The following CDH12 variants were observed in gnomAD, a reference collection of about 807,000 sequenced individuals.
CDH12 encodes the protein cadherin-12.
Under a neutral mutation model 74.1 loss-of-function variants are expected in CDH12, and 41 were observed. The observed-to-expected ratio is 0.55, with a 90% CI of 0.43 to 0.72. The LOEUF (loss-of-function observed/expected upper bound fraction) is 0.72, where lower values mean the gene tolerates loss of function less well. Ranked by LOEUF, CDH12 falls within the 30% of genes least tolerant of loss-of-function variation. The pLI, the probability that CDH12 is intolerant of heterozygous loss-of-function variation, is 0.00. For synonymous variants in CDH12, 399 were observed against 355.0 expected (o/e 1.12, Z -1.39); for missense variants, 945 against 977.2 (o/e 0.97, Z 0.44).
intron 1 of CDH12, among the ~76,000 whole-genome samples, chr5:22,742,211 G>A (rs1005861323): frequency 1.4e-5 from 2 of 147,774 alleles, no homozygotes; most frequent in Non-Finnish European, 3.0e-5. Context: ...AGAAAGAAAG[G>A]AAGAGAGAGA....
intron 3 of CDH12, among the ~76,000 whole-genome samples, chr5:22,241,839 G>T (rs940375825): frequency 4.6e-5 from 7 of 151,914 alleles, no homozygotes; most frequent in South Asian, 2.1e-4. Flanking sequence ...ACAAATAATA[G>T]AATTTTTGCT....
intron 6 of CDH12, among the ~76,000 whole-genome samples, chr5:21,897,963 T>A (rs1753201194): frequency 6.6e-6 from 1 of 152,138 alleles, no homozygotes; most frequent in South Asian, 2.1e-4. Context: ...TGTTCTGATA[T>A]TTTTATTTAA....
chr5:22,281,720 G>C (rs934124035), intron 3 of CDH12, among the ~76,000 whole-genome samples: 8 of 151,966 alleles, frequency 5.3e-5, no homozygotes, highest in African/African-American at 1.9e-4. Context: ...AAGGAAATCA[G>C]AGAGGACACA....
chr5:21,849,413 T>C (rs1016537035), intron 7 of CDH12, among the ~76,000 whole-genome samples: 1 of 151,878 alleles, frequency 6.6e-6, no homozygotes, highest in African/African-American at 2.4e-5. Context: ...TTGCCTGCAG[T>C]GCATTCCTGG....
intron 1 of CDH12, among the ~76,000 whole-genome samples, chr5:22,797,183 TAAAAAAAA>T (rs58951425): frequency 2.3e-5 from 2 of 86,248 alleles, no homozygotes; most frequent in South Asian, 9.7e-4. Flanking sequence ...AGTGCCTTTA[TAAAAAAAA>T]AAAAAAAAAA....
intron 3 of CDH12, among the ~76,000 whole-genome samples, chr5:22,356,331 A>C (rs1382658837): frequency 6.6e-6 from 1 of 152,148 alleles, no homozygotes; most frequent in Non-Finnish European, 1.5e-5. Context: ...TTAGATAACA[A>C]TGGTTTTATT....
At chr5:22,558,418 T>C (rs972028099) in intron 1 of CDH12, among the ~76,000 whole-genome samples, 4 of 151,806 alleles carry the variant, frequency 2.6e-5, no homozygotes, top group Admixed American at 2.0e-4. Flanking sequence ...TGGAGAAAAA[T>C]AAGGTAGCTA....
chr5:22,562,236 G>A (rs1200144588), intron 1 of CDH12, among the ~76,000 whole-genome samples: 1 of 151,930 alleles, frequency 6.6e-6, no homozygotes, highest in African/African-American at 2.4e-5. Flanking sequence ...AGAATGGCGT[G>A]AACCCGGGAG....
intron 5 of CDH12, among the ~76,000 whole-genome samples, chr5:22,050,057 C>T (rs1374817102): frequency 6.6e-6 from 1 of 152,048 alleles, no homozygotes; most frequent in Non-Finnish European, 1.5e-5. Flanking sequence ...CATTTGTTTC[C>T]CCTCCCAAAT....
chr5:21,951,821 C>T (rs1324651128), intron 6 of CDH12, among the ~76,000 whole-genome samples: 1 of 152,182 alleles, frequency 6.6e-6, no homozygotes, highest in African/African-American at 2.4e-5. Flanking sequence ...GAACATGTCT[C>T]TCAAATAGCA....
At chr5:22,683,062 C>T (rs549771298) in intron 1 of CDH12, among the ~76,000 whole-genome samples, 2 of 152,110 alleles carry the variant, frequency 1.3e-5, no homozygotes, top group African/African-American at 4.8e-5. Context: ...TAGGTTTATT[C>T]TTGCTGATAA....
intron 1 of CDH12, among the ~76,000 whole-genome samples, chr5:22,826,912 T>C (rs937509347): frequency 2.0e-5 from 3 of 152,082 alleles, no homozygotes; most frequent in Non-Finnish European, 2.9e-5. Context: ...GTAAAGAAAA[T>C]CCCATTTTCT....
At chr5:22,639,481 T>C (rs1280835109) in intron 1 of CDH12, among the ~76,000 whole-genome samples, 1 of 150,398 alleles carries the variant, frequency 6.6e-6, no homozygotes, top group Non-Finnish European at 1.5e-5. Context: ...TGCAAATCTT[T>C]ATCTGCAATT....
At chr5:22,467,466 G>A (rs1414236032) in intron 2 of CDH12, among the ~76,000 whole-genome samples, 2 of 152,066 alleles carry the variant, frequency 1.3e-5, no homozygotes, top group South Asian at 2.1e-4. Context: ...CTCTCTGTCT[G>A]CATACTTTGC....
intron 1 of CDH12, among the ~76,000 whole-genome samples, chr5:22,684,157 C>A (rs1741639840): frequency 6.6e-6 from 1 of 151,888 alleles, no homozygotes; most frequent in African/African-American, 2.4e-5. Flanking sequence ...CTCTTTAAAT[C>A]ATTTTTTTTC....
chr5:22,455,528 ATTTTG>A (rs1304946115), intron 2 of CDH12, among the ~76,000 whole-genome samples: 1 of 152,174 alleles, frequency 6.6e-6, no homozygotes, highest in East Asian at 1.9e-4. Flanking sequence ...ACTCTAGGTG[ATTTTG>A]ACAAAAGCTC....
At chr5:22,519,422 CTCT>C (rs1290562237) in intron 1 of CDH12, among the ~76,000 whole-genome samples, 2 of 141,560 alleles carry the variant, frequency 1.4e-5, no homozygotes, top group Non-Finnish European at 3.0e-5. Context: ...CGTATCCACA[CTCT>C]TTTTTTTTTT....
intron 3 of CDH12, among the ~76,000 whole-genome samples, chr5:22,332,968 A>G (rs1375377897): frequency 2.0e-5 from 3 of 152,200 alleles, no homozygotes; most frequent in Non-Finnish European, 2.9e-5. Context: ...ATGACTGGCT[A>G]TATACCCAAA....
At chr5:22,298,839 C>T (rs1005867827) in intron 3 of CDH12, among the ~76,000 whole-genome samples, 10 of 152,236 alleles carry the variant, frequency 6.6e-5, no homozygotes, top group Admixed American at 1.3e-4. Context: ...GCACACTCTT[C>T]GGCATATCAA....
Sources: gnomAD v4.1 joint callset for allele counts (sites outside exome capture counted in the v4.1 genomes callset) on GRCh38, gnomAD v4.1.1 for gene constraint, MANE v1.5 for transcripts, NCBI Gene and HGNC (gene_info 2026-07-23, HGNC 2026-07-21) for gene names.